NLGN1: variants seen among roughly 807,000 people sequenced by gnomAD.
NLGN1 encodes the protein neuroligin 1, also known as neuroligin-1.
Under a neutral mutation model 65.5 loss-of-function variants are expected in NLGN1, and 12 were observed. That is an observed-to-expected ratio of 0.18 (90% CI 0.12 to 0.30). NLGN1 has a LOEUF of 0.30. Among genes scored for constraint, NLGN1 ranks in the 10% least tolerant of loss-of-function variants. NLGN1 has a pLI of 1.00. For missense variants in NLGN1, 750 were observed against 1,007.1 expected, an observed-to-expected ratio of 0.74 and a Z score of 3.46; for synonymous variants, 350 against 359.5, an observed-to-expected ratio of 0.97 and a Z score of 0.30.
intron 4 of NLGN1, among the ~76,000 whole-genome samples, chr3:173,941,682 G>GTA (rs1412087713): frequency 4.6e-5 from 7 of 151,616 alleles, no homozygotes; most frequent in Admixed American, 3.9e-4. Flanking sequence ...TTAAAAATAT[G>GTA]TATATATATA....
intron 1 of NLGN1, among the ~76,000 whole-genome samples, chr3:173,414,064 T>G (rs183022334): frequency 6.2e-4 from 94 of 152,254 alleles, no homozygotes; most frequent in African/African-American, 2.1e-3. Context: ...CCAAAGCATC[T>G]TCATACTTAC....
At position 174,280,949 on chromosome 3, in the gene NLGN1, T is replaced by C. The variant is rs139212189; in HGVS notation, c.2118T>C (p.His706=). 1 of 1,613,308 alleles carries C rather than the reference T, an allele frequency of 6.2e-7. No individual in the cohort carries two copies. The highest frequency in any genetic ancestry group is 1.3e-5 in the African/African-American group (1 of 74,930). Residue 706 remains histidine (H), a synonymous_variant, in exon 7 of 7, where the codon CAT becomes CAC. Coordinates refer to ENST00000457714, the Ensembl canonical transcript of NLGN1. This position sits in a 1 kb window ranked among gnomAD's most constrained non-coding sequence, Gnocchi z 4.9. ...ACTACAAAAAGGATAAGAGGAGACA[T>C]GATGTTCACAGGAGATGCAGCCCTC...
intron 4 of NLGN1, among the ~76,000 whole-genome samples, chr3:173,949,091 A>G (rs1002244393): frequency 3.9e-5 from 6 of 152,138 alleles, no homozygotes; most frequent in Non-Finnish European, 8.8e-5. Flanking sequence ...ACAGCTAAAC[A>G]AGATAATCAG....
At chr3:173,565,143 A>C (rs1430131307) in intron 2 of NLGN1, among the ~76,000 whole-genome samples, 1 of 152,186 alleles carries the variant, frequency 6.6e-6, no homozygotes, top group East Asian at 1.9e-4. Flanking sequence ...AAGGTTGGGA[A>C]GAAGCAGAGG....
chr3:173,872,197 T>C (rs918037234), intron 4 of NLGN1, among the ~76,000 whole-genome samples: 1 of 152,166 alleles, frequency 6.6e-6, no homozygotes, highest in African/African-American at 2.4e-5. Flanking sequence ...CAGGCACATG[T>C]CTAAGCCAAA....
chr3:173,962,281 AT>A (rs1713782735), intron 4 of NLGN1, among the ~76,000 whole-genome samples: 2 of 152,102 alleles, frequency 1.3e-5, no homozygotes, highest in Non-Finnish European at 2.9e-5. Flanking sequence ...CTTCAGACGC[AT>A]TTTGAAAGTC....
chr3:174,157,222 C>A (rs1725605389), intron 4 of NLGN1, among the ~76,000 whole-genome samples: 1 of 151,470 alleles, frequency 6.6e-6, no homozygotes, highest in Non-Finnish European at 1.5e-5. Flanking sequence ...CATTTATATT[C>A]AAGGATGCTT....
intron 4 of NLGN1, among the ~76,000 whole-genome samples, chr3:174,018,070 G>A (rs533658911): frequency 3.5e-4 from 53 of 152,166 alleles, no homozygotes; most frequent in African/African-American, 1.2e-3. Context: ...CCCTGGGAAC[G>A]CATTCTCTTT....
At chr3:174,034,274 A>G (rs1314221540) in intron 4 of NLGN1, among the ~76,000 whole-genome samples, 1 of 152,084 alleles carries the variant, frequency 6.6e-6, no homozygotes, top group Non-Finnish European at 1.5e-5. Flanking sequence ...CAAAAACTGA[A>G]TGAATTCATT....
intron 4 of NLGN1, among the ~76,000 whole-genome samples, chr3:174,162,798 T>A (rs1726786627): frequency 6.6e-6 from 1 of 150,706 alleles, no homozygotes; most frequent in Non-Finnish European, 1.5e-5. Flanking sequence ...TAGCCTATAA[T>A]TCAAGGAAGA....
intron 4 of NLGN1, among the ~76,000 whole-genome samples, chr3:173,882,804 A>C (rs112925209): frequency 0.044 from 6,617 of 151,814 alleles, 316 homozygotes; most frequent in African/African-American, 0.11. Flanking sequence ...AGAACATTTT[A>C]TTTGTATTCA....
intron 4 of NLGN1, among the ~76,000 whole-genome samples, chr3:174,063,198 C>T (rs1384220013): frequency 6.6e-6 from 1 of 152,092 alleles, no homozygotes; most frequent in East Asian, 1.9e-4. Flanking sequence ...AATGGAATGA[C>T]ATCTGAAAAA....
chr3:173,737,549 T>A (rs1773969956), intron 3 of NLGN1, among the ~76,000 whole-genome samples: 1 of 152,108 alleles, frequency 6.6e-6, no homozygotes, highest in African/African-American at 2.4e-5. Context: ...GTTAGTGTAA[T>A]GTTTTTAAGA....
chr3:173,661,381 A>G (rs764601480), intron 3 of NLGN1, among the ~76,000 whole-genome samples: 2 of 151,994 alleles, frequency 1.3e-5, no homozygotes, highest in Non-Finnish European at 2.9e-5. Context: ...CTAACATTCC[A>G]TGGCTCATAG....
chr3:173,805,022 G>A (rs544590343), intron 3 of NLGN1, among the ~76,000 whole-genome samples: 4 of 152,220 alleles, frequency 2.6e-5, no homozygotes, highest in African/African-American at 7.2e-5. Flanking sequence ...GTGAAACTCA[G>A]TCTCAAAAAT....
At chr3:173,652,284 G>C (rs1179500073) in intron 3 of NLGN1, among the ~76,000 whole-genome samples, 1 of 152,100 alleles carries the variant, frequency 6.6e-6, no homozygotes, top group African/African-American at 2.4e-5. Flanking sequence ...AGTCCCATTT[G>C]TTTATTTTTG....
chr3:174,266,794 A>T (rs1748331964), intron 4 of NLGN1, among the ~76,000 whole-genome samples: 1 of 152,166 alleles, frequency 6.6e-6, no homozygotes, highest in Non-Finnish European at 1.5e-5. Flanking sequence ...TGGTAAATTT[A>T]ACCCTATTTT....
At chr3:173,524,618 G>C (rs1325409068) in intron 2 of NLGN1, among the ~76,000 whole-genome samples, 26 of 152,172 alleles carry the variant, frequency 1.7e-4, no homozygotes, top group Admixed American at 1.7e-3. Context: ...GTAGTGGTGA[G>C]AGTGAATATT....
intron 4 of NLGN1, among the ~76,000 whole-genome samples, chr3:174,224,927 T>C (rs935997092): frequency 2.0e-5 from 3 of 152,174 alleles, no homozygotes; most frequent in African/African-American, 7.2e-5. Context: ...CTGATGGGTC[T>C]AAATTTAGAA....
Sources: gnomAD v4.1 joint callset for allele counts (sites outside exome capture counted in the v4.1 genomes callset) on GRCh38, gnomAD v4.1.1 for gene constraint, Gnocchi (gnomAD v3.1) non-coding constraint, MANE v1.5 for transcripts, NCBI Gene and HGNC (gene_info 2026-07-23, HGNC 2026-07-21) for gene names.